Variants in RGPD8 observed in about 807,000 individuals in gnomAD.
The protein encoded by RGPD8 is RANBP2-like and GRIP domain-containing protein 8.
In RGPD8, 15 loss-of-function variants were observed where a neutral mutation model predicts 89.1. The ratio of observed to expected loss-of-function variants is 0.17; its 90% CI spans 0.11 to 0.26. RGPD8 has a LOEUF of 0.26. RGPD8 is among the 10% of genes least tolerant of loss of function. The pLI is 1.00. For missense variants in RGPD8, 178 were observed against 1,179.6 expected, an observed-to-expected ratio of 0.15 and a Z score of 12.44; for synonymous variants, 62 against 420.9, an observed-to-expected ratio of 0.15 and a Z score of 10.44.
intron 6 of RGPD8, among the ~76,000 whole-genome samples, chr2:112,415,124 C>T (rs1201191718): frequency 3.3e-5 from 5 of 149,432 alleles, no homozygotes; most frequent in African/African-American, 1.3e-4. Context: ...TGGCTCACCC[C>T]TGTAATCCCA....
At chr2:112,410,794 T>C (rs1447099571) in intron 7 of RGPD8, among the ~76,000 whole-genome samples, 8 of 151,206 alleles carry the variant, frequency 5.3e-5, no homozygotes, top group African/African-American at 2.0e-4. Context: ...AATAAAAAGA[T>C]TTATATTAGG....
intron 21 of RGPD8, among the ~76,000 whole-genome samples, 173 bp downstream of exon 21, chr2:112,380,650 CA>C (rs369818204): frequency 4.7e-3 from 514 of 109,362 alleles, no homozygotes; most frequent in East Asian, 0.028. Context: ...AAGACTGTCT[CA>C]AAAAAAAAAA....
chr2:112,402,281 ATG>A (rs1678890996), intron 9 of RGPD8, among the ~76,000 whole-genome samples: 1 of 110,614 alleles, frequency 9.0e-6, no homozygotes, highest in African/African-American at 3.9e-5. Flanking sequence ...AATATTGAAA[ATG>A]TTATGCGCAG....
chr2:112,371,330 C>G (rs1430319335), intron 22 of RGPD8, among the ~76,000 whole-genome samples: 20 of 59,062 alleles, frequency 3.4e-4, no homozygotes, highest in Non-Finnish European at 6.1e-4. Context: ...GCTTCTCCCA[C>G]TCCTTGGCAA....
In RGPD8 at chr2:112,422,234, G is replaced by C. The variant is rs867699061; in HGVS notation, c.253-122C>G. 2.8e-3 allele frequency: 431 copies of C among 153,456 alleles called. 5 individuals carry two copies. The Middle Eastern group carries it at 0.032, about 11-fold the overall frequency. The allele number at this position is 153,456 out of a possible 1,614,324, so 9.5% of individuals were successfully genotyped here. A position where few individuals can be genotyped will look rare whatever the true frequency, so the allele number is the denominator to read the frequency against. On this transcript the variant is annotated intron_variant, in intron 3 of 22. Transcript: ENST00000302558. ...CAACCCTTAAAAAATTCTACTTCTA[G>C]AGAAAACATGTTACTTTAAAGGTGT...
intron 6 of RGPD8, among the ~76,000 whole-genome samples, chr2:112,416,169 G>A (rs1239143116): frequency 1.3e-5 from 2 of 151,202 alleles, no homozygotes; most frequent in African/African-American, 4.9e-5. Context: ...TAAGAAAAAT[G>A]TAAAAGGAAC....
chr2:112,422,740 C>T, intron 2 of RGPD8, 81 bp from the exon 3 acceptor site: 2 of 557,510 alleles, frequency 3.6e-6, no homozygotes, highest in Non-Finnish European at 6.2e-6. Flanking sequence ...CATCTTAAAC[C>T]AAAGCAACCA....
At position 112,433,447 on chromosome 2, in the gene RGPD8, G is replaced by C; in HGVS notation, c.7C>G (p.Arg3Gly). The part of the protein sequence containing the change: MR[R>G]SKADVERYVA... ...TACCGCTCCACATCGGCCTTGCTGCGCCTCATCGCGCCGCCAACCTGGCTC... is the reference window on the plus strand; with the variant it reads ...TACCGCTCCACATCGGCCTTGCTGCCCCTCATCGCGCCGCCAACCTGGCTC... The change falls in exon 1 of 23, where the codon CGC becomes GGC. Residue 3 changes from arginine (R) to glycine (G), a missense_variant. Coordinates refer to ENST00000302558, the MANE Select transcript of RGPD8 (RefSeq NM_001164463.1). 7 of 1,607,988 alleles carry C rather than the reference G, an allele frequency of 4.4e-6. No homozygotes were observed. The highest frequency in any genetic ancestry group is 5.9e-6 in the Non-Finnish European group (7 of 1,178,362).
chr2:112,426,941 C>T (rs1444157071), intron 1 of RGPD8, among the ~76,000 whole-genome samples: 13 of 151,174 alleles, frequency 8.6e-5, no homozygotes, highest in Non-Finnish European at 1.6e-4. Context: ...GGACTACAGG[C>T]GCACGCCACC....
chr2:112,371,833 G>C (rs1241686479), intron 22 of RGPD8, among the ~76,000 whole-genome samples: 1 of 148,280 alleles, frequency 6.7e-6, no homozygotes, highest in Non-Finnish European at 1.5e-5. Context: ...ATGTATGACA[G>C]TTTGACCTTA....
rs566965920 is a variant in RGPD8 at position 112,374,956 on chromosome 2, G to A, written c.5263+3097C>T. On this transcript the variant is annotated intron_variant, in intron 22 of 22. Transcript: ENST00000302558. The stretch of plus-strand genomic sequence containing the variant: ...CGGCTCACTGCAACCTCTGCCTCCT[G>A]GGTTCAAGCAGTTCTCCTACCTCAG... Among the ~76,000 whole-genome samples, 93 of 134,996 alleles carry A rather than the reference G, an allele frequency of 6.9e-4. 1 individual carries two copies. Among genetic ancestry groups the A allele is most frequent in the African/African-American group, 2.2e-3 (81 of 37,600 alleles). 88.6% of individuals were successfully genotyped at this position (134,996 alleles called of 152,430 possible).
At chr2:112,430,825 C>T (rs541198243) in intron 1 of RGPD8, among the ~76,000 whole-genome samples, 10 of 151,834 alleles carry the variant, frequency 6.6e-5, no homozygotes, top group Middle Eastern at 3.4e-3. Context: ...GGCATGGTGG[C>T]GCATGCCTGT....
At chr2:112,408,721 T>G (rs1558982924) in intron 7 of RGPD8, among the ~76,000 whole-genome samples, 1 of 151,408 alleles carries the variant, frequency 6.6e-6, no homozygotes. Context: ...CAGGCTGGAG[T>G]GCTGCAGTGG....
chr2:112,432,393 G>C (rs996080861), intron 1 of RGPD8: 48 of 749,868 alleles, frequency 6.4e-5, no homozygotes, highest in Non-Finnish European at 7.2e-5. Context: ...GGGGGCGAGG[G>C]AGGTGAGTAT....
rs1214971535 is a variant in RGPD8, at chr2:112,433,395, G to A, written c.59C>T (p.Pro20Leu). 6.2e-7 allele frequency: 1 copy of A among 1,610,064 alleles called. No individual in the cohort carries two copies. Among genetic ancestry groups the A allele is most frequent in the East Asian group, 2.2e-5 (1 of 44,822 alleles). ...RYVASVLGLT[P>L]SPRQKSMKGF... Reference sequence around the variant, plus strand: ...AGACCCACTCACCTGTCGAGGCGACGGGGTGAGACCCAGCACCGAGGCGAC... The same window carrying A: ...AGACCCACTCACCTGTCGAGGCGACAGGGTGAGACCCAGCACCGAGGCGAC... The change falls in exon 1 of 23, where the codon CCG becomes CTG. Residue 20 changes from proline to leucine, a missense_variant. Transcript: ENST00000302558.
chr2:112,410,769 T>TC (rs1294474649), intron 7 of RGPD8, among the ~76,000 whole-genome samples: 2 of 150,842 alleles, frequency 1.3e-5, no homozygotes, highest in East Asian at 3.9e-4. Flanking sequence ...AGAGCGAGAC[T>TC]CCGTCTCAAA....
chr2:112,381,786 T>C (rs1221204693), intron 20 of RGPD8, among the ~76,000 whole-genome samples: 2 of 148,644 alleles, frequency 1.3e-5, no homozygotes, highest in Non-Finnish European at 3.0e-5. Context: ...TTTGTGACTA[T>C]AAACTTCCCA....
At chr2:112,402,554 T>C (rs1678909634) in intron 9 of RGPD8, among the ~76,000 whole-genome samples, 1 of 71,468 alleles carries the variant, frequency 1.4e-5, no homozygotes, top group African/African-American at 6.7e-5. Context: ...TCTGGAAGCA[T>C]GAAGAGGTAT....
At chr2:112,373,484 G>T (rs1678023151) in intron 22 of RGPD8, among the ~76,000 whole-genome samples, 1 of 152,200 alleles carries the variant, frequency 6.6e-6, no homozygotes, top group African/African-American at 2.4e-5. Flanking sequence ...CCACAGAAAG[G>T]AAAACTATTC....
Sources: gnomAD v4.1 joint callset for allele counts (sites outside exome capture counted in the v4.1 genomes callset) on GRCh38, gnomAD v4.1.1 for gene constraint, MANE v1.5 for transcripts, NCBI Gene and HGNC (gene_info 2026-07-23, HGNC 2026-07-21) for gene names.